The following ADAMTS20 variants were observed in gnomAD, a reference collection of about 807,000 sequenced individuals.
ADAMTS20 encodes the protein ADAM metallopeptidase with thrombospondin type 1 motif 20, also known as A disintegrin and metalloproteinase with thrombospondin motifs 20.
Under a neutral mutation model 260.1 loss-of-function variants are expected in ADAMTS20, and 225 were observed. That is an observed-to-expected ratio of 0.87 (90% CI 0.78 to 0.97). The LOEUF (loss-of-function observed/expected upper bound fraction) is 0.97, where lower values mean the gene tolerates loss of function less well. Ranked by LOEUF, ADAMTS20 falls within the 50% of genes least tolerant of loss-of-function variation. The probability of loss-of-function intolerance (pLI) is 0.00; values close to 1 mark genes in which losing one functional copy is unlikely to be tolerated. For missense variants in ADAMTS20, 2,400 were observed against 2,337.7 expected, an observed-to-expected ratio of 1.03 and a Z score of -0.55; for synonymous variants, 802 against 769.5, an observed-to-expected ratio of 1.04 and a Z score of -0.70.
At chr12:43,449,669 G>A (rs1366917588) in intron 14 of ADAMTS20, among the ~76,000 whole-genome samples, 1 of 151,936 alleles carries the variant, frequency 6.6e-6, no homozygotes, top group Non-Finnish European at 1.5e-5. Flanking sequence ...CCAACTATAA[G>A]CATGGTGCTT....
chr12:43,501,063 T>TTTTTTTG (rs1242994780), intron 4 of ADAMTS20, among the ~76,000 whole-genome samples: 5 of 145,400 alleles, frequency 3.4e-5, no homozygotes, highest in South Asian at 4.7e-4. Flanking sequence ...TTCTTTTTTT[T>TTTTTTTG]TTTTTTTTTT....
At chr12:43,395,002 T>C (rs544560887) in intron 29 of ADAMTS20, among the ~76,000 whole-genome samples, 1 of 152,174 alleles carries the variant, frequency 6.6e-6, no homozygotes, top group Non-Finnish European at 1.5e-5. Flanking sequence ...CAACCATTTA[T>C]GCCTTGAAAA....
chr12:43,470,221 A>C (rs1942229736), intron 7 of ADAMTS20, among the ~76,000 whole-genome samples: 1 of 152,156 alleles, frequency 6.6e-6, no homozygotes, highest in Non-Finnish European at 1.5e-5. Context: ...CATTTCTTTC[A>C]TGGACATCCT....
chr12:43,433,373 A>G (rs1941486661), intron 19 of ADAMTS20, among the ~76,000 whole-genome samples: 1 of 152,146 alleles, frequency 6.6e-6, no homozygotes, highest in Admixed American at 6.5e-5. Context: ...GCATTCATCA[A>G]TGTGAGGGCA....
At chr12:43,442,072 T>C (rs979179793) in intron 16 of ADAMTS20, among the ~76,000 whole-genome samples, 1 of 152,128 alleles carries the variant, frequency 6.6e-6, no homozygotes, top group African/African-American at 2.4e-5. Context: ...TAAACAAAAC[T>C]TTACTGGCTT....
Position 43,445,434 on chromosome 12 carries a change from T to C in ADAMTS20, c.2197+1161A>G, listed in dbSNP as rs544651797. Among the ~76,000 whole-genome samples the C allele has an allele frequency of 1.2e-4, 19 of 152,322 alleles. No individual in the cohort carries two copies. In the East Asian group the frequency reaches 3.5e-3, roughly 28 times the overall value. On this transcript the variant is annotated intron_variant, in intron 15 of 38. Transcript: ENST00000389420. ...TTTGTAAATATCAGAGTATAAAATG[T>C]ACTATGTTTTTCACATACATAAAAA...
rs552011367 is a variant in ADAMTS20 at position 43,377,650 on chromosome 12, G to A, written c.4798-88C>T. On this transcript the variant is annotated intron_variant, in intron 31 of 38. Transcript: ENST00000389420. ...TCAGATGCTTAATATATATTATGCT[G>A]TGTCATTTCCACAACAATCCTATTT... 9.8e-6 allele frequency: 10 copies of A among 1,016,042 alleles called. No homozygotes were observed. In the South Asian group the frequency reaches 1.1e-4, roughly 11 times the overall value. 62.9% of individuals were successfully genotyped at this position (1,016,042 alleles called of 1,614,324 possible). A position where few individuals can be genotyped will look rare whatever the true frequency, so the allele number is the denominator to read the frequency against.
Position 43,430,422 on chromosome 12 carries a change from A to G in ADAMTS20, c.3311T>C (p.Val1104Ala), listed in dbSNP as rs904726290. Residue 1104 changes from valine to alanine, a missense_variant, in exon 23 of 39, where the codon GTC (valine) becomes GCC (alanine). Physicochemically the swap from Val to Ala is moderately conservative, Grantham distance 64. Transcript: ENST00000389420. Reference protein sequence around the residue: ...HGYQMRDVKCVNELASAVLED... With the variant: ...HGYQMRDVKCANELASAVLED... ...TAACACTGCACTAGCTAGCTCATTG[A>G]CACATTTAACATCTCGCATCTGATA... 5.6e-6 allele frequency: 9 copies of G among 1,613,178 alleles called. No individual in the cohort carries two copies. Among genetic ancestry groups the G allele is most frequent in the East Asian group, 2.2e-5 (1 of 44,844 alleles).
chr12:43,548,301 G>T (rs1195892116), intron 2 of ADAMTS20, among the ~76,000 whole-genome samples: 1 of 152,192 alleles, frequency 6.6e-6, no homozygotes, highest in African/African-American at 2.4e-5. Flanking sequence ...GCCAAAGTCA[G>T]ATATCAAGTA....
intron 3 of ADAMTS20, among the ~76,000 whole-genome samples, chr12:43,507,168 A>G (rs759851200): frequency 2.0e-5 from 3 of 152,226 alleles, no homozygotes. Flanking sequence ...TGATTGTGGT[A>G]ATCATTTTGC....
chr12:43,538,953 C>CTT (rs36106874), intron 2 of ADAMTS20, among the ~76,000 whole-genome samples: 5 of 117,534 alleles, frequency 4.3e-5, no homozygotes, highest in East Asian at 2.3e-4. Context: ...TATGAACATT[C>CTT]TTTTTTTTTT....
At chr12:43,390,368 C>A (rs1042188943) in intron 29 of ADAMTS20, among the ~76,000 whole-genome samples, 5 of 152,198 alleles carry the variant, frequency 3.3e-5, no homozygotes, top group Non-Finnish European at 2.9e-5. Context: ...CTTTTGTATT[C>A]TCTCCTGAAC....
intron 32 of ADAMTS20, among the ~76,000 whole-genome samples, chr12:43,376,887 T>A (rs1367171934): frequency 6.6e-6 from 1 of 152,240 alleles, no homozygotes; most frequent in Non-Finnish European, 1.5e-5. Context: ...TAATTCATTT[T>A]GTGCAGTTAG....
intron 28 of ADAMTS20, among the ~76,000 whole-genome samples, chr12:43,411,963 T>C (rs1941040733): frequency 6.6e-6 from 1 of 152,096 alleles, no homozygotes; most frequent in East Asian, 1.9e-4. Context: ...TAATATTAAA[T>C]CACCTACTTT....
downstream of ADAMTS20, among the ~76,000 whole-genome samples, chr12:43,352,909 T>C (rs1421028643): frequency 2.0e-5 from 3 of 152,200 alleles, no homozygotes; most frequent in Non-Finnish European, 4.4e-5. Context: ...TTTCTTTTGA[T>C]ACAGACATCT....
chr12:43,529,692 A>G (rs988526623), intron 3 of ADAMTS20, among the ~76,000 whole-genome samples: 1 of 152,158 alleles, frequency 6.6e-6, no homozygotes, highest in Non-Finnish European at 1.5e-5. Context: ...AAAAATCTAC[A>G]TATGAGGTGC....
chr12:43,485,496 C>A (rs1942510066), intron 7 of ADAMTS20, among the ~76,000 whole-genome samples: 1 of 152,094 alleles, frequency 6.6e-6, no homozygotes, highest in Non-Finnish European at 1.5e-5. Context: ...AGCATTCTCC[C>A]TGAGAAGTGG....
chr12:43,513,349 C>T (rs1942951103), intron 3 of ADAMTS20, among the ~76,000 whole-genome samples: 1 of 152,158 alleles, frequency 6.6e-6, no homozygotes, highest in Non-Finnish European at 1.5e-5. Context: ...TTAAAAGCTG[C>T]ATGGAAGATT....
At chr12:43,484,416 A>G (rs1034803696) in intron 7 of ADAMTS20, among the ~76,000 whole-genome samples, 1 of 152,154 alleles carries the variant, frequency 6.6e-6, no homozygotes, top group Non-Finnish European at 1.5e-5. Context: ...GTGAAAAACA[A>G]ATAGGATTTT....
Sources: gnomAD v4.1 joint callset for allele counts (sites outside exome capture counted in the v4.1 genomes callset) on GRCh38, gnomAD v4.1.1 for gene constraint, MANE v1.5 for transcripts, NCBI Gene and HGNC (gene_info 2026-07-23, HGNC 2026-07-21) for gene names.